EYS: variants seen among roughly 807,000 people sequenced by gnomAD.
EYS encodes protein eyes shut homolog.
EYS carries 250 observed loss-of-function variants against 282.1 expected under a neutral mutation model. That is an observed-to-expected ratio of 0.89 (90% CI 0.80 to 0.98). The LOEUF is 0.98. EYS is among the 50% of genes least tolerant of loss of function. EYS has a pLI of 0.00. For missense variants in EYS, 4,016 were observed against 3,709.0 expected, an observed-to-expected ratio of 1.08 and a Z score of -2.15; for synonymous variants, 1,355 against 1,282.9, an observed-to-expected ratio of 1.06 and a Z score of -1.20.
intron 31 of EYS, among the ~76,000 whole-genome samples, chr6:64,085,336 G>GCACACACACACACACACACACA (rs1304096306): frequency 1.3e-5 from 1 of 76,640 alleles, no homozygotes; most frequent in East Asian, 4.9e-4. Flanking sequence ...GCGCACGTGC[G>GCACACACACACACACACACACA]CGCGCACACA....
chr6:64,143,766 T>C (rs4426982), intron 31 of EYS, among the ~76,000 whole-genome samples: 39,285 of 152,132 alleles, frequency 0.26, 5,401 homozygotes, highest in East Asian at 0.45. Context: ...CAAAATGTTT[T>C]TGACCCTGCC....
chr6:65,445,129 GA>G (rs1768603213), intron 5 of EYS, among the ~76,000 whole-genome samples: 1 of 151,224 alleles, frequency 6.6e-6, no homozygotes, highest in Non-Finnish European at 1.5e-5. Context: ...GGATAGTTTT[GA>G]TTGTTAATGT....
intron 5 of EYS, among the ~76,000 whole-genome samples, chr6:65,434,877 CTCTT>C (rs1768016720): frequency 6.6e-6 from 1 of 152,096 alleles, no homozygotes. Context: ...AATTAAATAT[CTCTT>C]TCTTTTCGTA....
chr6:65,379,817 C>G (rs781057258), intron 8 of EYS, among the ~76,000 whole-genome samples: 56 of 151,762 alleles, frequency 3.7e-4, no homozygotes, highest in Non-Finnish European at 6.0e-4. Context: ...TTCCTATACA[C>G]CATTAACAGA....
At chr6:64,025,118 T>TA (rs1320478592) in intron 33 of EYS, among the ~76,000 whole-genome samples, 3 of 152,112 alleles carry the variant, frequency 2.0e-5, no homozygotes, top group African/African-American at 7.2e-5. Flanking sequence ...ATTCGGGGGC[T>TA]AAATAACCGG....
intron 35 of EYS, among the ~76,000 whole-genome samples, chr6:63,937,345 C>G (rs3902538): frequency 1.8e-5 from 1 of 54,472 alleles, no homozygotes; most frequent in African/African-American, 7.6e-5. Context: ...TCTCTCTTTT[C>G]TTTTTTTTTT....
At chr6:65,258,995 A>C (rs940446894) in intron 12 of EYS, among the ~76,000 whole-genome samples, 2 of 152,044 alleles carry the variant, frequency 1.3e-5, no homozygotes, top group African/African-American at 4.8e-5. Context: ...AAAATAAATA[A>C]ACTTTTGTTA....
intron 26 of EYS, among the ~76,000 whole-genome samples, chr6:64,580,242 ACTC>A (rs1766017086): frequency 6.6e-6 from 1 of 152,108 alleles, no homozygotes; most frequent in Admixed American, 6.6e-5. Context: ...TTAACATATA[ACTC>A]CTCCTGAAAA....
chr6:64,791,849 C>A lies in EYS; in HGVS notation c.3443+21529G>T, dbSNP rs185894113. On this transcript the variant is annotated intron_variant, in intron 22 of 42. Transcript: ENST00000503581. ...AAATTAGAATATACATAAAACATGG[C>A]ATTAATCGTATATATTTATAGTTTT... 2.6e-3 allele frequency among the ~76,000 whole-genome samples: 393 copies of A among 151,896 alleles called. 1 individual carries two copies. The highest frequency in any genetic ancestry group is 9.3e-3 in the African/African-American group (384 of 41,512).
chr6:65,016,866 T>G (rs1224870560), intron 13 of EYS, among the ~76,000 whole-genome samples: 2 of 152,234 alleles, frequency 1.3e-5, no homozygotes, highest in Non-Finnish European at 2.9e-5. Flanking sequence ...TCCTTTTTAC[T>G]AAACAGAAGA....
chr6:64,896,165 T>A (rs1767456897), intron 18 of EYS, among the ~76,000 whole-genome samples: 1 of 152,102 alleles, frequency 6.6e-6, no homozygotes, highest in Non-Finnish European at 1.5e-5. Context: ...TAGGAATAGC[T>A]CAGGTCTGCA....
At chr6:64,687,577 A>T (rs941927334) in intron 22 of EYS, among the ~76,000 whole-genome samples, 3 of 152,294 alleles carry the variant, frequency 2.0e-5, no homozygotes, top group Admixed American at 6.5e-5. Flanking sequence ...AGCCAACTTG[A>T]TTATGGTGGA....
chr6:63,996,661 A>G (rs1185409919), intron 34 of EYS, among the ~76,000 whole-genome samples: 1 of 152,122 alleles, frequency 6.6e-6, no homozygotes, highest in African/African-American at 2.4e-5. Flanking sequence ...CTGGGTTTGA[A>G]TCCCCAAATA....
chr6:63,779,727 G>T (rs2149665264), intron 39 of EYS, among the ~76,000 whole-genome samples: 1 of 149,622 alleles, frequency 6.7e-6, no homozygotes, highest in Admixed American at 6.7e-5. Context: ...TTTTTTGGAG[G>T]CATAAAAAGC....
At chr6:63,897,182 A>C (rs1773556740) in intron 35 of EYS, among the ~76,000 whole-genome samples, 1 of 152,212 alleles carries the variant, frequency 6.6e-6, no homozygotes, top group African/African-American at 2.4e-5. Flanking sequence ...AGTTTATTGA[A>C]TATGTGAACC....
chr6:63,955,259 A>G (rs1042930927), intron 35 of EYS, among the ~76,000 whole-genome samples: 16 of 152,052 alleles, frequency 1.1e-4, no homozygotes, highest in African/African-American at 3.4e-4. Context: ...CTTATTCACC[A>G]TTCTCAACTA....
intron 22 of EYS, among the ~76,000 whole-genome samples, chr6:64,634,534 A>G (rs946257902): frequency 9.6e-5 from 11 of 114,182 alleles, no homozygotes; most frequent in Non-Finnish European, 2.0e-4. Flanking sequence ...ACTCAGTAAG[A>G]TACCCTAGCT....
chr6:64,481,191 AATCATATATATGATATATATATG>A (rs1297889289), intron 26 of EYS, among the ~76,000 whole-genome samples: 1 of 149,986 alleles, frequency 6.7e-6, no homozygotes, highest in Non-Finnish European at 1.5e-5. Flanking sequence ...ACAGCCAAAA[AATCATATATATGATATATATATG>A]ATTACATATA....
At chr6:64,821,897 G>GA (rs1764912144) in intron 20 of EYS, among the ~76,000 whole-genome samples, 174 bp from the exon 21 acceptor site, 1 of 151,918 alleles carries the variant, frequency 6.6e-6, no homozygotes, top group South Asian at 2.1e-4. Flanking sequence ...TGACTGGACT[G>GA]AAAAAACGGA....
Sources: allele counts gnomAD v4.1 joint callset (sites outside exome capture counted in the v4.1 genomes callset), GRCh38; gene constraint gnomAD v4.1.1; transcripts MANE v1.5; gene names NCBI Gene and HGNC (gene_info 2026-07-23, HGNC 2026-07-21).